The following RBFOX1 variants were observed in gnomAD, a reference collection of about 807,000 sequenced individuals.
RBFOX1 encodes the protein RNA binding protein fox-1 homolog 1.
Under a neutral mutation model 57.7 loss-of-function variants are expected in RBFOX1, and 8 were observed. The ratio of observed to expected loss-of-function variants is 0.14; its 90% CI spans 0.08 to 0.25. The LOEUF is 0.25. RBFOX1 is among the 10% of genes least tolerant of loss of function. The pLI, the probability that RBFOX1 is intolerant of heterozygous loss-of-function variation, is 1.00. For synonymous variants in RBFOX1, 326 were observed against 222.4 expected, an observed-to-expected ratio of 1.47 and a Z score of -4.15; for missense variants, 611 against 548.5, an observed-to-expected ratio of 1.11 and a Z score of -1.14.
At position 6,857,585 on chromosome 16, in the gene RBFOX1, G is replaced by A. The variant is rs376917553; in HGVS notation, c.-15-194472G>A. ...TGCTTCAAGCCTCCCAAATTTAATC[G>A]CCGTAGCTCTTTGCCAAGAACATTA... On this transcript the variant is annotated intron_variant, in intron 3 of 15. Transcript: ENST00000550418. 9.5e-4 allele frequency among the ~76,000 whole-genome samples: 144 copies of A among 152,154 alleles called. 1 individual carries two copies. The highest frequency in any genetic ancestry group is 3.0e-3 in the African/African-American group (124 of 41,508).
chr16:6,390,592 T>C (rs151035426), intron 2 of RBFOX1, among the ~76,000 whole-genome samples: 3 of 152,212 alleles, frequency 2.0e-5, no homozygotes, highest in East Asian at 3.9e-4. Context: ...CAGATAGTTA[T>C]GATTTAAATT....
intron 3 of RBFOX1, among the ~76,000 whole-genome samples, chr16:7,020,665 G>A (rs1233239685): frequency 6.6e-6 from 1 of 152,194 alleles, no homozygotes; most frequent in Admixed American, 6.5e-5. Flanking sequence ...AAAAGGAAAT[G>A]ACATTGGACA....
chr16:7,661,721 A>C (rs989012937), intron 12 of RBFOX1, among the ~76,000 whole-genome samples: 5 of 152,212 alleles, frequency 3.3e-5, no homozygotes, highest in Non-Finnish European at 5.9e-5. Flanking sequence ...TAGTTGGGGT[A>C]CAGGAAAGCT....
chr16:6,028,394 C>G (rs917718178), intron 1 of RBFOX1, among the ~76,000 whole-genome samples: 1 of 151,314 alleles, frequency 6.6e-6, no homozygotes, highest in South Asian at 2.1e-4. Flanking sequence ...ACATGATGAC[C>G]GGGCATGGTG....
intron 3 of RBFOX1, among the ~76,000 whole-genome samples, chr16:6,826,177 G>T (rs536585204): frequency 6.6e-6 from 1 of 152,122 alleles, no homozygotes; most frequent in African/African-American, 2.4e-5. Flanking sequence ...ACTCATCGTC[G>T]CCACGTAGGT....
At chr16:5,560,667 C>G (rs2045858570) in intron 2 of RBFOX1, among the ~76,000 whole-genome samples, 1 of 152,132 alleles carries the variant, frequency 6.6e-6, no homozygotes, top group African/African-American at 2.4e-5. Flanking sequence ...TCATTTTTAT[C>G]CAAACATCTC....
intron 1 of RBFOX1, among the ~76,000 whole-genome samples, chr16:5,420,070 G>A (rs2067270348): frequency 6.6e-6 from 1 of 152,196 alleles, no homozygotes; most frequent in African/African-American, 2.4e-5. Flanking sequence ...GCAGAACTGT[G>A]AGAGAGCAGA....
At chr16:5,271,841 C>T (rs1162841671) in intron 1 of RBFOX1, among the ~76,000 whole-genome samples, 1 of 152,190 alleles carries the variant, frequency 6.6e-6, no homozygotes, top group Non-Finnish European at 1.5e-5. Flanking sequence ...TAAGTAAAAT[C>T]ATGCAGTATT....
In RBFOX1 at chr16:7,155,341, G is replaced by A. The variant is rs532753906; in HGVS notation, c.27+103243G>A. Among the ~76,000 whole-genome samples, 125 of 152,186 alleles carry A rather than the reference G, an allele frequency of 8.2e-4. No individual in the cohort carries two copies. In the South Asian group the frequency reaches 0.025, roughly 31 times the overall value. On this transcript the variant is annotated intron_variant, in intron 4 of 15. Coordinates refer to ENST00000550418, the MANE Select transcript of RBFOX1 (RefSeq NM_018723.4). ...GGTACAGTGGCTACTTGTGATCCTG[G>A]CACTTTGGGAGGTCGAGTTCAGTGG... is the stretch of plus-strand genomic sequence containing the variant.
intron 4 of RBFOX1, among the ~76,000 whole-genome samples, chr16:7,217,298 T>TTC (rs2092270422): frequency 7.1e-6 from 1 of 141,404 alleles, no homozygotes; most frequent in Admixed American, 7.0e-5. Context: ...TCTTCTTTTT[T>TTC]TTTTTTTTTT....
chr16:6,068,868 C>T (rs114163849), intron 1 of RBFOX1, among the ~76,000 whole-genome samples: 97 of 152,266 alleles, frequency 6.4e-4, no homozygotes, highest in African/African-American at 2.2e-3. Context: ...CCTTGTCTCC[C>T]AGTTCACCTG....
chr16:6,448,089 G>C (rs1371399883), intron 2 of RBFOX1, among the ~76,000 whole-genome samples: 1 of 134,186 alleles, frequency 7.5e-6, no homozygotes, highest in African/African-American at 2.8e-5. Flanking sequence ...ATTCATGTTT[G>C]TTCGTTTGGT....
At chr16:6,744,775 G>T (rs1317369388) in intron 3 of RBFOX1, among the ~76,000 whole-genome samples, 1 of 151,958 alleles carries the variant, frequency 6.6e-6, no homozygotes, top group Non-Finnish European at 1.5e-5. Flanking sequence ...TTTATCTTCT[G>T]CCTTAGAAAA....
At chr16:6,357,619 C>G (rs1486912591) in intron 2 of RBFOX1, among the ~76,000 whole-genome samples, 1 of 152,142 alleles carries the variant, frequency 6.6e-6, no homozygotes, top group Admixed American at 6.5e-5. Context: ...TGTGCTCTCT[C>G]TCTCTCTGTC....
chr16:7,699,910 A>C (rs1370434803), intron 14 of RBFOX1, among the ~76,000 whole-genome samples: 1 of 152,076 alleles, frequency 6.6e-6, no homozygotes, highest in Non-Finnish European at 1.5e-5. Context: ...GAGGTGGGGG[A>C]TGTTCACCAG....
At chr16:7,187,980 G>C (rs145768233) in intron 4 of RBFOX1, among the ~76,000 whole-genome samples, 419 of 152,304 alleles carry the variant, frequency 2.8e-3, no homozygotes, top group Non-Finnish European at 4.3e-3. Flanking sequence ...CAAATCTCGA[G>C]AATGTATCTG....
chr16:6,934,832 T>A (rs2077108296), intron 3 of RBFOX1, among the ~76,000 whole-genome samples: 1 of 152,092 alleles, frequency 6.6e-6, no homozygotes, highest in Non-Finnish European at 1.5e-5. Context: ...CTGCAGGTAA[T>A]CCCAGCACTT....
intron 4 of RBFOX1, among the ~76,000 whole-genome samples, chr16:7,498,528 A>G (rs928843113): frequency 7.9e-5 from 12 of 152,222 alleles, no homozygotes; most frequent in African/African-American, 2.9e-4. Flanking sequence ...ATTCAAGCAG[A>G]TATATCCCAA....
intron 10 of RBFOX1, among the ~76,000 whole-genome samples, chr16:7,611,013 C>G (rs2057369795): frequency 6.6e-6 from 1 of 152,168 alleles, no homozygotes; most frequent in African/African-American, 2.4e-5. Context: ...TAGGCTGGCT[C>G]TGTATCTGCT....
Sources: allele counts gnomAD v4.1 joint callset (sites outside exome capture counted in the v4.1 genomes callset), GRCh38; gene constraint gnomAD v4.1.1; transcripts MANE v1.5; gene names NCBI Gene and HGNC (gene_info 2026-07-23, HGNC 2026-07-21).